PDGFB: variants seen among roughly 807,000 people sequenced by gnomAD.
PDGFB encodes the protein platelet-derived growth factor subunit B.
A neutral mutation model predicts 29.0 loss-of-function variants in PDGFB; 6 were observed. The observed-to-expected ratio is 0.21, with a 90% CI of 0.11 to 0.41. The LOEUF is 0.41. Ranked by LOEUF, PDGFB falls within the 10% of genes least tolerant of loss-of-function variation. The pLI is 1.00. For missense variants in PDGFB, 299 were observed against 341.8 expected, an observed-to-expected ratio of 0.87 and a Z score of 0.99; for synonymous variants, 144 against 140.8, an observed-to-expected ratio of 1.02 and a Z score of -0.16.
chr22:39,240,802 G>T, intron 1 of PDGFB: 1 of 1,600,302 alleles, frequency 6.2e-7, no homozygotes, highest in Non-Finnish European at 8.6e-7. Context: ...AGTTGTCACA[G>T]AAGAGGCTCC....
At chr22:39,236,227 C>A (rs772228194) in intron 1 of PDGFB, among the ~76,000 whole-genome samples, 1 of 152,276 alleles carries the variant, frequency 6.6e-6, no homozygotes, top group Non-Finnish European at 1.5e-5. Flanking sequence ...CACCTGACAG[C>A]TGAAGACAGC....
At position 39,234,012 on chromosome 22, in the gene PDGFB, CGGAG is replaced by C. The variant is rs3043558; in HGVS notation, c.161-492_161-489del. Reference sequence around the variant, plus strand: ...GGCCGCGCTGGGCAGGCGGGAGCCACGGAGGGAGGGAGGGAGGGAGAGGGATGGG... The same window carrying C: ...GGCCGCGCTGGGCAGGCGGGAGCCACGGAGGGAGGGAGGGAGAGGGATGGG... On this transcript the variant is annotated intron_variant, in intron 2 of 6. Coordinates refer to ENST00000331163, the MANE Select transcript of PDGFB (RefSeq NM_002608.4). 2.2e-4 allele frequency among the ~76,000 whole-genome samples: 25 copies of C among 115,246 alleles called. No homozygotes were observed. In the East Asian group the frequency reaches 4.7e-3, roughly 22 times the overall value. The allele number at this position is 115,246 out of a possible 152,430, so 75.6% of individuals were successfully genotyped here. A position where few individuals can be genotyped will look rare whatever the true frequency, so the allele number is the denominator to read the frequency against.
At chr22:39,225,913 A>G in intron 5 of PDGFB, 66 bp from the exon 6 acceptor site, 1 of 1,541,526 alleles carries the variant, frequency 6.5e-7, no homozygotes. Context: ...CCCACTGACC[A>G]AGGCCTGCCA....
intron 2 of PDGFB, among the ~76,000 whole-genome samples, chr22:39,234,588 C>A (rs1046420593): frequency 6.6e-6 from 1 of 152,250 alleles, no homozygotes; most frequent in African/African-American, 2.4e-5. Flanking sequence ...GATGACTAGT[C>A]CGCTTCCGTC....
At position 39,244,086 on chromosome 22, in the gene PDGFB, T is replaced by C. The variant is rs919443852; in HGVS notation, c.-123A>G. Reference sequence around the variant, plus strand: ...GCTCGGGTCCGCGGCGATCAGGCGCTCAGGCCTCTGCAGCCGCGGCTCACC... The same window carrying C: ...GCTCGGGTCCGCGGCGATCAGGCGCCCAGGCCTCTGCAGCCGCGGCTCACC... On this transcript the variant is annotated 5_prime_UTR_variant, in exon 1 of 7. Coordinates refer to ENST00000331163, the MANE Select transcript of PDGFB (RefSeq NM_002608.4). The surrounding 1 kb of genome is among the most constrained non-coding windows in gnomAD (Gnocchi z 4.5). 6.4e-6 allele frequency: 3 copies of C among 467,794 alleles called. No individual in the cohort carries two copies. Among genetic ancestry groups the C allele is most frequent in the African/African-American group, 2.1e-5 (1 of 48,432 alleles). 29.0% of individuals were successfully genotyped at this position (467,794 alleles called of 1,614,324 possible).
rs1164498730 is a variant in PDGFB, at chr22:39,225,290, C to T, written c.*52G>A. 1 of 155,408 alleles carries T rather than the reference C, an allele frequency of 6.4e-6. No homozygotes were observed. The highest frequency in any genetic ancestry group is 1.4e-5 in the Non-Finnish European group (1 of 70,116). The allele number at this position is 155,408 out of a possible 1,614,324, so 9.6% of individuals were successfully genotyped here. A position where few individuals can be genotyped will look rare whatever the true frequency, so the allele number is the denominator to read the frequency against. Reference sequence around the variant, plus strand: ...CTCCAAGGACCCCATGGGGGCAATACAGCAAATACCATATTAAATAACCCT... The same window carrying T: ...CTCCAAGGACCCCATGGGGGCAATATAGCAAATACCATATTAAATAACCCT... On this transcript the variant is annotated 3_prime_UTR_variant, in exon 7 of 7. Transcript: ENST00000331163.
At chr22:39,225,461 G>A (rs1932141669) in intron 6 of PDGFB, 148 bp from the exon 7 acceptor site, 4 of 382,516 alleles carry the variant, frequency 1.0e-5, no homozygotes, top group Middle Eastern at 6.9e-4. Context: ...GGCATTGAGG[G>A]GCTGGGAAGA....
intron 1 of PDGFB, among the ~76,000 whole-genome samples, chr22:39,237,643 T>C (rs1378226684): frequency 6.6e-6 from 1 of 152,206 alleles, no homozygotes; most frequent in Non-Finnish European, 1.5e-5. Context: ...GTTGACAAAG[T>C]ACCCAACCCA....
At chr22:39,236,746 G>C (rs528064441) in intron 1 of PDGFB, among the ~76,000 whole-genome samples, 2 of 152,328 alleles carry the variant, frequency 1.3e-5, no homozygotes, top group Admixed American at 6.5e-5. Flanking sequence ...AGAAAGAGGC[G>C]AGGGCAGATG....
chr22:39,229,803 G>A (rs982528594), intron 5 of PDGFB, among the ~76,000 whole-genome samples: 5 of 152,160 alleles, frequency 3.3e-5, no homozygotes, highest in African/African-American at 1.2e-4. Flanking sequence ...AAGCCTTGAG[G>A]CAGAAACTCC....
chr22:39,226,882 G>A (rs1339094050), intron 5 of PDGFB, among the ~76,000 whole-genome samples: 6 of 152,188 alleles, frequency 3.9e-5, no homozygotes, highest in African/African-American at 7.2e-5. Context: ...ACCCACCTGG[G>A]CTCAAATCTG....
At position 39,244,975 on chromosome 22, in the gene PDGFB, A is replaced by T. The variant is rs2146460932; in HGVS notation, c.-1012T>A. On this transcript the variant is annotated 5_prime_UTR_variant, in exon 1 of 7. Transcript: ENST00000331163. The surrounding 1 kb of genome is among the most constrained non-coding windows in gnomAD (Gnocchi z 4.5). ...AGGCCGCTCCCGGCTGCAGGAGGAG[A>T]AGTTGCCACCCTTTCAGCTGTTCCG... Among the ~76,000 whole-genome samples, 1 of 151,436 alleles carries T rather than the reference A, an allele frequency of 6.6e-6. No individual in the cohort carries two copies. Among genetic ancestry groups the T allele is most frequent in the Non-Finnish European group, 1.5e-5 (1 of 67,802 alleles).
chr22:39,235,273 C>T (rs1033304412), intron 2 of PDGFB, among the ~76,000 whole-genome samples: 1 of 152,208 alleles, frequency 6.6e-6, no homozygotes, highest in Non-Finnish European at 1.5e-5. Context: ...TTTATAAATA[C>T]ATTGTCAATC....
chr22:39,225,627 C>T lies in PDGFB; in HGVS notation c.*28+68G>A. 6 of 1,433,960 alleles carry T rather than the reference C, an allele frequency of 4.2e-6. No individual in the cohort carries two copies. The South Asian group carries it at 6.2e-5, about 15-fold the overall frequency. The allele number at this position is 1,433,960 out of a possible 1,614,324, so 88.8% of individuals were successfully genotyped here. A position where few individuals can be genotyped will look rare whatever the true frequency, so the allele number is the denominator to read the frequency against. On this transcript the variant is annotated intron_variant, in intron 6 of 6. Coordinates refer to ENST00000331163, the MANE Select transcript of PDGFB (RefSeq NM_002608.4). ...TCTATGGAAAAATCCTTTCCCCTGA[C>T]CCCATCCACAGACCACAGAGAAGAA...
chr22:39,237,844 C>G (rs527909563), intron 1 of PDGFB, among the ~76,000 whole-genome samples: 3 of 152,202 alleles, frequency 2.0e-5, no homozygotes, highest in African/African-American at 4.8e-5. Context: ...GAAGAACATT[C>G]GATTCAATTC....
chr22:39,232,779 T>C (rs1569136478), intron 3 of PDGFB, among the ~76,000 whole-genome samples: 1 of 152,016 alleles, frequency 6.6e-6, no homozygotes. Flanking sequence ...TGAGCCACCA[T>C]GCCCGGCCCA....
chr22:39,237,103 C>T (rs1440563269), intron 1 of PDGFB, among the ~76,000 whole-genome samples: 2 of 152,152 alleles, frequency 1.3e-5, no homozygotes, highest in African/African-American at 4.8e-5. Context: ...ATGCTGCTTT[C>T]TCGCTGCCTG....
At chr22:39,228,838 A>G (rs957280873) in intron 5 of PDGFB, among the ~76,000 whole-genome samples, 7 of 150,684 alleles carry the variant, frequency 4.6e-5, no homozygotes, top group Non-Finnish European at 1.0e-4. Context: ...GCAGTGAGCC[A>G]AGATTGTGCC....
rs777795315 is a variant in PDGFB, at chr22:39,225,715, C to T, written c.*8G>A. On this transcript the variant is annotated 3_prime_UTR_variant, in exon 6 of 7. Transcript: ENST00000331163. ...CTCACCTGCCCACACACTCTCCTGC[C>T]GATGCCCCTAGGCTCCAAGGGTCTC... 1.6e-5 allele frequency: 25 copies of T among 1,612,804 alleles called. No individual in the cohort carries two copies. Among genetic ancestry groups the T allele is most frequent in the Admixed American group, 1.0e-4 (6 of 59,934 alleles).
Sources: gnomAD v4.1 joint callset for allele counts (sites outside exome capture counted in the v4.1 genomes callset) on GRCh38, gnomAD v4.1.1 for gene constraint, Gnocchi (gnomAD v3.1) non-coding constraint, MANE v1.5 for transcripts, NCBI Gene and HGNC (gene_info 2026-07-23, HGNC 2026-07-21) for gene names.